FBN2: variants seen among roughly 807,000 people sequenced by gnomAD.
FBN2 encodes fibrillin 2, also known as fibrillin-2.
Under a neutral mutation model 355.6 loss-of-function variants are expected in FBN2, and 105 were observed. The observed-to-expected ratio is 0.30, with a 90% confidence interval of 0.25 to 0.35. The LOEUF (loss-of-function observed/expected upper bound fraction) is 0.35. Ranked by LOEUF, FBN2 falls within the 10% of genes least tolerant of loss-of-function variation. The pLI, the probability that FBN2 is intolerant of heterozygous loss-of-function variation, is 1.00. For synonymous variants in FBN2, 1,350 were observed against 1,301.2 expected (o/e 1.04, Z -0.81); for missense variants, 3,280 against 3,758.7 (o/e 0.87, Z 3.33).
intron 7 of FBN2, among the ~76,000 whole-genome samples, chr5:128,432,189 T>G (rs867115985): frequency 6.3e-4 from 96 of 152,336 alleles, no homozygotes; most frequent in African/African-American, 2.1e-3. Flanking sequence ...AATAATATTT[T>G]CAGGAATAAC....
At chr5:128,378,668 C>T in intron 12 of FBN2, 103 bp downstream of exon 12, 1 of 1,231,982 alleles carries the variant, frequency 8.1e-7, no homozygotes, top group Non-Finnish European at 1.2e-6. Context: ...AATAATGTAA[C>T]ACTTATTTTA....
intron 20 of FBN2, among the ~76,000 whole-genome samples, chr5:128,354,363 C>A (rs546682146): frequency 6.6e-6 from 1 of 152,144 alleles, no homozygotes; most frequent in African/African-American, 2.4e-5. Context: ...AAGGTCACAG[C>A]AGGAGCAAGA....
At chr5:128,536,891 G>A (rs1009249117) in intron 1 of FBN2, among the ~76,000 whole-genome samples, 1 of 152,010 alleles carries the variant, frequency 6.6e-6, no homozygotes, top group Non-Finnish European at 1.5e-5. Flanking sequence ...AGGAAAGCGC[G>A]TCGCAAGGTG....
chr5:128,372,514 CAG>C, intron 15 of FBN2, among the ~76,000 whole-genome samples: 1 of 151,956 alleles, frequency 6.6e-6, no homozygotes, highest in East Asian at 1.9e-4. Flanking sequence ...TTTTTTGAGA[CAG>C]GGTCTCACTC....
At chr5:128,380,600 G>T (rs1294409291) in intron 11 of FBN2, among the ~76,000 whole-genome samples, 2 of 152,210 alleles carry the variant, frequency 1.3e-5, no homozygotes, top group Non-Finnish European at 2.9e-5. Flanking sequence ...ACACAGAGAA[G>T]ATGTAATCGT....
intron 15 of FBN2, among the ~76,000 whole-genome samples, chr5:128,372,129 G>GTTCC: frequency 6.6e-6 from 1 of 152,170 alleles, no homozygotes. Context: ...AACAAAAGAG[G>GTTCC]AAAGGAGGAA....
intron 6 of FBN2, among the ~76,000 whole-genome samples, chr5:128,454,676 AT>A (rs1754337653): frequency 6.6e-6 from 1 of 152,250 alleles, no homozygotes; most frequent in South Asian, 2.1e-4. Flanking sequence ...GACTAAAGAA[AT>A]TATGTTTCTG....
At chr5:128,290,998 G>A in intron 49 of FBN2, 114 bp from the exon 50 acceptor site, 1 of 932,930 alleles carries the variant, frequency 1.1e-6, no homozygotes, top group Admixed American at 2.1e-5. Context: ...AGGCAGGTCT[G>A]GAAATCTTCG....
chr5:128,471,779 T>C (rs147749574), intron 5 of FBN2, among the ~76,000 whole-genome samples: 2 of 152,206 alleles, frequency 1.3e-5, no homozygotes, highest in Non-Finnish European at 2.9e-5. Flanking sequence ...ATTGGATCAT[T>C]TAAGCTTCAG....
chr5:128,289,706 G>A (rs376884615), intron 51 of FBN2, among the ~76,000 whole-genome samples, 176 bp downstream of exon 51: 1 of 151,894 alleles, frequency 6.6e-6, no homozygotes, highest in Non-Finnish European at 1.5e-5. Context: ...CATATATCAC[G>A]ATATAATCTT....
In FBN2 at chr5:128,272,056, A is replaced by G. The variant is rs750935473; in HGVS notation, c.7903T>C (p.Tyr2635His). ...QHGCQNILGG[Y>H]RCGCPQGYIQ... Reference sequence around the variant, plus strand: ...TAGCCTTGGGGGCAGCCACATCTGTAGCCACCCAGGATGTTCTGGCAGCCG... The same window carrying G: ...TAGCCTTGGGGGCAGCCACATCTGTGGCCACCCAGGATGTTCTGGCAGCCG... Residue 2635 changes from tyrosine (Y) to histidine (H), a missense_variant, in exon 62 of 65, where the codon TAC (tyrosine) becomes CAC (histidine). Coordinates refer to ENST00000262464, the MANE Select transcript of FBN2 (RefSeq NM_001999.4). 6.2e-7 allele frequency: 1 copy of G among 1,614,006 alleles called. No individual in the cohort carries two copies. Among genetic ancestry groups the G allele is most frequent in the Non-Finnish European group, 8.5e-7 (1 of 1,179,894 alleles).
At chr5:128,290,948 C>T (rs1193107427) in intron 49 of FBN2, 64 bp from the exon 50 acceptor site, 27 of 1,495,858 alleles carry the variant, frequency 1.8e-5, no homozygotes, top group Non-Finnish European at 2.5e-5. Flanking sequence ...CAGAACATTT[C>T]TCATTGTAGA....
chr5:128,301,714 T>C (rs1318496787), intron 46 of FBN2, among the ~76,000 whole-genome samples: 1 of 152,212 alleles, frequency 6.6e-6, no homozygotes, highest in Non-Finnish European at 1.5e-5. Context: ...TTTTCAACCA[T>C]AAAGATACAT....
At chr5:128,458,777 T>G (rs925749617) in intron 6 of FBN2, among the ~76,000 whole-genome samples, 2 of 152,104 alleles carry the variant, frequency 1.3e-5, no homozygotes, top group Non-Finnish European at 2.9e-5. Flanking sequence ...CGTACCAGAA[T>G]CTCTGGGACA....
In FBN2 at chr5:128,376,272, T is replaced by C. The variant is rs185190318; in HGVS notation, c.1972+459A>G. Among the ~76,000 whole-genome samples, 327 of 152,306 alleles carry C rather than the reference T, an allele frequency of 2.1e-3. 4 individuals carry two copies. The highest frequency in any genetic ancestry group is 2.9e-3 in the Admixed American group (44 of 15,296). ...TAAAATTATGTCTTCACTAAATCAA[T>C]GTAAGGTTTTTAGATAATGACACAG... On this transcript the variant is annotated intron_variant, in intron 14 of 64. Transcript: ENST00000262464.
In FBN2 at chr5:128,291,660, G is replaced by A; in HGVS notation, c.6167-6C>T. On this transcript the variant is annotated splice_polypyrimidine_tract_variant and splice_region_variant and intron_variant, in intron 48 of 64. Transcript: ENST00000262464. ...TTCATCACATTCATTTATATCTGCAGAACAGGGGGAGTATTTATTAGCCAT... is the reference window on the plus strand; with the variant it reads ...TTCATCACATTCATTTATATCTGCAAAACAGGGGGAGTATTTATTAGCCAT... 1 of 1,612,858 alleles carries A rather than the reference G, an allele frequency of 6.2e-7. No homozygotes were observed. Among genetic ancestry groups the A allele is most frequent in the Admixed American group, 1.7e-5 (1 of 60,006 alleles).
In FBN2 at chr5:128,286,625, T is replaced by C. The variant is rs1021843476; in HGVS notation, c.7012+93A>G. 10 of 1,447,246 alleles carry C rather than the reference T, an allele frequency of 6.9e-6. No homozygotes were observed. In the African/African-American group the frequency reaches 9.8e-5, roughly 14 times the overall value. The allele number at this position is 1,447,246 out of a possible 1,614,324, so 89.7% of individuals were successfully genotyped here. A position where few individuals can be genotyped will look rare whatever the true frequency, so the allele number is the denominator to read the frequency against. ...TGCCTTAACACAGCTGGAAAAAGAG[T>C]TGGCTTGCAGTTAAGATGATGTGGG... On this transcript the variant is annotated intron_variant, in intron 55 of 64. Coordinates refer to ENST00000262464, the MANE Select transcript of FBN2 (RefSeq NM_001999.4).
Position 128,259,560 on chromosome 5 carries a change from G to A in FBN2, c.8634C>T (p.Tyr2878=). ...CCAGTTTCTTAAGCTCCTTCTTCTTGTAGAGAGGGATGCTAGTGATTTCCA... is the reference window on the plus strand; with the variant it reads ...CCAGTTTCTTAAGCTCCTTCTTCTTATAGAGAGGGATGCTAGTGATTTCCA... ...YTLEITSIPL[Y]KKKELKKLEE... The change falls in exon 65 of 65, where the codon TAC becomes TAT. Residue 2878 remains tyrosine, a synonymous_variant. Coordinates refer to ENST00000262464, the MANE Select transcript of FBN2 (RefSeq NM_001999.4). 1 of 1,614,048 alleles carries A rather than the reference G, an allele frequency of 6.2e-7. No homozygotes were observed. The highest frequency in any genetic ancestry group is 1.3e-5 in the African/African-American group (1 of 75,028).
At chr5:128,302,781 T>C (rs1266623179) in intron 46 of FBN2, among the ~76,000 whole-genome samples, 192 bp downstream of exon 46, 1 of 152,224 alleles carries the variant, frequency 6.6e-6, no homozygotes, top group East Asian at 1.9e-4. Context: ...AAGAGTATAT[T>C]GTCTTGTGAC....
Sources: allele counts gnomAD v4.1 joint callset (sites outside exome capture counted in the v4.1 genomes callset), GRCh38; gene constraint gnomAD v4.1.1; transcripts MANE v1.5; gene names NCBI Gene and HGNC (gene_info 2026-07-23, HGNC 2026-07-21).